PRDM5: variants seen among roughly 807,000 people sequenced by gnomAD.
The protein encoded by PRDM5 is PR domain zinc finger protein 5.
Under a neutral mutation model 81.2 loss-of-function variants are expected in PRDM5, and 56 were observed. That is an observed-to-expected ratio of 0.69 (90% CI 0.56 to 0.86). The LOEUF is 0.86. PRDM5 is among the 40% of genes least tolerant of loss of function. The probability of loss-of-function intolerance (pLI) is 0.00; values close to 1 mark genes in which losing one functional copy is unlikely to be tolerated. For missense variants in PRDM5, 697 were observed against 770.1 expected, an observed-to-expected ratio of 0.91 and a Z score of 1.12; for synonymous variants, 267 against 256.4, an observed-to-expected ratio of 1.04 and a Z score of -0.39.
intron 1 of PRDM5, 108 bp from the exon 2 acceptor site, chr4:120,907,665 A>C: frequency 1.2e-6 from 1 of 848,914 alleles, no homozygotes; most frequent in Non-Finnish European, 2.0e-6. Flanking sequence ...TCATGCCCAA[A>C]GAAGAGATGC....
chr4:120,900,893 TA>T (rs1333037876), intron 2 of PRDM5, among the ~76,000 whole-genome samples: 7 of 152,098 alleles, frequency 4.6e-5, no homozygotes, highest in Non-Finnish European at 1.0e-4. Flanking sequence ...GTAAAAAGAT[TA>T]TATAGTAATA....
intron 2 of PRDM5, among the ~76,000 whole-genome samples, chr4:120,858,423 A>G (rs1310005641): frequency 6.6e-6 from 1 of 152,172 alleles, no homozygotes; most frequent in Non-Finnish European, 1.5e-5. Context: ...CCAAAGGGAG[A>G]CACACTTTCA....
chr4:120,820,603 T>G (rs1173766541), intron 4 of PRDM5, among the ~76,000 whole-genome samples: 1 of 152,202 alleles, frequency 6.6e-6, no homozygotes, highest in Non-Finnish European at 1.5e-5. Flanking sequence ...ACTGAAAGTT[T>G]TTGGTAACCA....
At chr4:120,876,066 T>C (rs1762304616) in intron 2 of PRDM5, among the ~76,000 whole-genome samples, 1 of 152,088 alleles carries the variant, frequency 6.6e-6, no homozygotes, top group African/African-American at 2.4e-5. Context: ...CCAGAAACAC[T>C]AGGTGAATGA....
intron 1 of PRDM5, among the ~76,000 whole-genome samples, chr4:120,686,048 A>C (rs1365508582): frequency 6.6e-6 from 1 of 150,902 alleles, no homozygotes; most frequent in Non-Finnish European, 1.5e-5. Flanking sequence ...CTCCCCACCC[A>C]CCCCACTTCT....
intron 2 of PRDM5, among the ~76,000 whole-genome samples, chr4:120,869,929 A>G (rs1761597695): frequency 6.6e-6 from 1 of 152,164 alleles, no homozygotes. Flanking sequence ...AAAGTCTGCC[A>G]AAGTCTACAT....
intron 15 of PRDM5, among the ~76,000 whole-genome samples, chr4:120,703,009 T>A (rs1371379635): frequency 4.6e-5 from 7 of 152,178 alleles, no homozygotes; most frequent in Admixed American, 4.6e-4. Flanking sequence ...CTTTCCCCCA[T>A]GCCCATTCCC....
chr4:120,901,350 T>C (rs559021534), intron 2 of PRDM5, among the ~76,000 whole-genome samples: 18 of 152,362 alleles, frequency 1.2e-4, no homozygotes, highest in African/African-American at 4.3e-4. Flanking sequence ...TTTTGTAATA[T>C]GCAATTTTCT....
chr4:120,802,642 G>T (rs1189881031), intron 8 of PRDM5, among the ~76,000 whole-genome samples: 1 of 152,142 alleles, frequency 6.6e-6, no homozygotes, highest in Non-Finnish European at 1.5e-5. Flanking sequence ...TGCAGTTGAG[G>T]GTCCTAACTG....
chr4:120,853,597 C>T, intron 2 of PRDM5, 57 bp from the exon 3 acceptor site: 4 of 1,608,702 alleles, frequency 2.5e-6, no homozygotes, highest in Non-Finnish European at 2.6e-6. Context: ...AGCCTTTAAA[C>T]ACATCAAGGT....
chr4:120,731,262 T>C (rs4146034), intron 14 of PRDM5, among the ~76,000 whole-genome samples: 1 of 151,708 alleles, frequency 6.6e-6, no homozygotes, highest in Admixed American at 6.6e-5. Context: ...TGCAGTGCAA[T>C]GTACAACAAG....
At chr4:120,822,847 G>C (rs1755466030) in intron 3 of PRDM5, among the ~76,000 whole-genome samples, 3 of 152,138 alleles carry the variant, frequency 2.0e-5, no homozygotes, top group Non-Finnish European at 4.4e-5. Context: ...TACACTTAAT[G>C]TATAGACATT....
chr4:120,685,812 T>G (rs918037406), intron 1 of PRDM5, among the ~76,000 whole-genome samples: 20 of 152,146 alleles, frequency 1.3e-4, no homozygotes, highest in African/African-American at 4.8e-4. Flanking sequence ...ATGGTCTTTC[T>G]TCCCTCCTTT....
intron 14 of PRDM5, among the ~76,000 whole-genome samples, chr4:120,717,983 T>A (rs1051917735): frequency 6.6e-6 from 1 of 152,160 alleles, no homozygotes; most frequent in Admixed American, 6.5e-5. Context: ...GGGAAACTTG[T>A]AGGCAATGAA....
intron 13 of PRDM5, among the ~76,000 whole-genome samples, chr4:120,758,172 C>T (rs1474343464): frequency 6.6e-6 from 1 of 152,136 alleles, no homozygotes; most frequent in South Asian, 2.1e-4. Flanking sequence ...ACTTCTTGGC[C>T]TCCATAACTG....
chr4:120,704,282 G>A (rs1458033249), intron 15 of PRDM5, among the ~76,000 whole-genome samples: 1 of 152,138 alleles, frequency 6.6e-6, no homozygotes, highest in Admixed American at 6.6e-5. Context: ...CCTGAATGCA[G>A]TCAGTAAAAG....
chr4:120,901,162 G>C (rs1186546703), intron 2 of PRDM5, among the ~76,000 whole-genome samples: 1 of 152,104 alleles, frequency 6.6e-6, no homozygotes, highest in Non-Finnish European at 1.5e-5. Flanking sequence ...GGTGACTTCT[G>C]AGATGTTAGT....
chr4:120,777,511 CT>C (rs1748352254), intron 12 of PRDM5, among the ~76,000 whole-genome samples: 1 of 152,038 alleles, frequency 6.6e-6, no homozygotes, highest in Non-Finnish European at 1.5e-5. Context: ...CTGCAGTTTA[CT>C]TTTTTAAGCC....
chr4:120,743,118 C>T (rs911779545), intron 14 of PRDM5, among the ~76,000 whole-genome samples: 5 of 151,736 alleles, frequency 3.3e-5, no homozygotes, highest in African/African-American at 4.9e-5. Context: ...GAGTGGGGGC[C>T]GATATTCAAC....
Sources: gnomAD v4.1 joint callset for allele counts (sites outside exome capture counted in the v4.1 genomes callset) on GRCh38, gnomAD v4.1.1 for gene constraint, MANE v1.5 for transcripts, NCBI Gene and HGNC (gene_info 2026-07-23, HGNC 2026-07-21) for gene names.